Variants in FMN2 observed in about 807,000 individuals in gnomAD.
The protein encoded by FMN2 is formin 2, also known as formin-2.
A neutral mutation model predicts 142.3 loss-of-function variants in FMN2; 51 were observed. That is an observed-to-expected ratio of 0.36 (90% CI 0.29 to 0.45). FMN2 has a LOEUF of 0.45. Among genes scored for constraint, FMN2 ranks in the 20% least tolerant of loss-of-function variants. The probability of loss-of-function intolerance (pLI) is 1.00; values close to 1 mark genes in which losing one functional copy is unlikely to be tolerated. For synonymous variants in FMN2, 882 were observed against 869.8 expected (o/e 1.01, Z -0.25); for missense variants, 1,936 against 2,122.8 (o/e 0.91, Z 1.73).
chr1:240,311,096 C>T (rs545351626), intron 8 of FMN2, among the ~76,000 whole-genome samples: 1 of 152,140 alleles, frequency 6.6e-6, no homozygotes, highest in African/African-American at 2.4e-5. Context: ...GAAAAAAAAG[C>T]AGGTAAAGTA....
intron 8 of FMN2, among the ~76,000 whole-genome samples, chr1:240,296,333 A>C (rs1458800546): frequency 6.6e-6 from 1 of 151,452 alleles, no homozygotes; most frequent in African/African-American, 2.4e-5. Flanking sequence ...GACATTAAAT[A>C]ATATTGATTC....
Position 240,091,894 on chromosome 1 carries a change from C to A in FMN2, c.-216C>A, listed in dbSNP as rs907530200. 10 of 758,552 alleles carry A rather than the reference C, an allele frequency of 1.3e-5. No individual in the cohort carries two copies. The highest frequency in any genetic ancestry group is 1.9e-5 in the Non-Finnish European group (10 of 523,084). The allele number at this position is 758,552 out of a possible 1,614,324, so 47.0% of individuals were successfully genotyped here. A position where few individuals can be genotyped will look rare whatever the true frequency, so the allele number is the denominator to read the frequency against. ...GCCGGCCCCTAGCCGCAGCCGCAGC[C>A]GCAGCGACGGCAGCCACGGGAGCCG... On this transcript the variant is annotated 5_prime_UTR_variant, in exon 1 of 18. Transcript: ENST00000319653.
intron 6 of FMN2, among the ~76,000 whole-genome samples, chr1:240,243,990 G>A (rs552491963): frequency 1.7e-3 from 266 of 152,232 alleles, no homozygotes; most frequent in Middle Eastern, 0.01. Flanking sequence ...CATACCTCTG[G>A]ATATACCACC....
At chr1:240,269,953 T>C (rs1169074704) in intron 7 of FMN2, among the ~76,000 whole-genome samples, 1 of 152,064 alleles carries the variant, frequency 6.6e-6, no homozygotes, top group East Asian at 1.9e-4. Context: ...ATTTTCTATA[T>C]ACAAGATTAT....
chr1:240,367,078 A>G (rs980756558), intron 14 of FMN2, among the ~76,000 whole-genome samples: 1 of 152,188 alleles, frequency 6.6e-6, no homozygotes, highest in Non-Finnish European at 1.5e-5. Context: ...AATCCTTACC[A>G]GCACCGAGTT....
intron 2 of FMN2, among the ~76,000 whole-genome samples, chr1:240,165,631 A>AT (rs71170711): frequency 2.6e-3 from 367 of 139,856 alleles, no homozygotes; most frequent in South Asian, 0.015. Context: ...CCATTTTTCT[A>AT]TTTTTTTTTT....
chr1:240,326,039 A>C (rs1178079289), intron 8 of FMN2, among the ~76,000 whole-genome samples: 1 of 152,184 alleles, frequency 6.6e-6, no homozygotes, highest in Non-Finnish European at 1.5e-5. Flanking sequence ...TTTTTCTAGA[A>C]GTAATAGTTC....
intron 2 of FMN2, among the ~76,000 whole-genome samples, chr1:240,158,711 C>T (rs1425190493): frequency 2.6e-5 from 4 of 152,078 alleles, no homozygotes; most frequent in African/African-American, 9.7e-5. Context: ...CATTTTGTGT[C>T]GAACTGATTA....
chr1:240,367,511 T>C (rs111943286), intron 14 of FMN2, among the ~76,000 whole-genome samples: 1 of 152,216 alleles, frequency 6.6e-6, no homozygotes, highest in Non-Finnish European at 1.5e-5. Context: ...GGCTCACGCC[T>C]GTAATCCCAG....
At chr1:240,444,295 G>T (rs1675731721) in intron 16 of FMN2, among the ~76,000 whole-genome samples, 2 of 152,168 alleles carry the variant, frequency 1.3e-5, no homozygotes, top group Admixed American at 6.5e-5. Flanking sequence ...CAGGAGCAGG[G>T]ACTAAGGAAT....
chr1:240,405,741 T>TG (rs1401425956), intron 15 of FMN2, among the ~76,000 whole-genome samples: 1 of 152,168 alleles, frequency 6.6e-6, no homozygotes, highest in Non-Finnish European at 1.5e-5. Flanking sequence ...GTTAAATAAA[T>TG]TGAGTCTACA....
rs761935772 is a variant in FMN2 at position 240,092,255 on chromosome 1, G to T, written c.146G>T (p.Gly49Val). Residue 49 changes from glycine (G) to valine (V), a missense_variant, in exon 1 of 18, where the codon GGC (glycine) becomes GTC (valine). By Grantham distance (109) the Gly-to-Val change is moderately radical (BLOSUM62 -3). Coordinates refer to ENST00000319653, the MANE Select transcript of FMN2 (RefSeq NM_020066.5). ...GGCAAGAAGGCGCTAGGCAAGCACG[G>T]CAAGGGGGGAGGGGGCGGCGGCGGC... ...SGGKKALGKH[G>V]KGGGGGGGGG... 7.7e-6 allele frequency: 10 copies of T among 1,292,402 alleles called. No homozygotes were observed. Among genetic ancestry groups the T allele is most frequent in the Non-Finnish European group, 1.1e-5 (10 of 929,416 alleles). The allele number at this position is 1,292,402 out of a possible 1,614,324, so 80.1% of individuals were successfully genotyped here. A position where few individuals can be genotyped will look rare whatever the true frequency, so the allele number is the denominator to read the frequency against.
chr1:240,141,979 A>G (rs1336975246), intron 2 of FMN2, among the ~76,000 whole-genome samples: 2 of 152,196 alleles, frequency 1.3e-5, no homozygotes, highest in African/African-American at 4.8e-5. Flanking sequence ...CTTAGTTCCC[A>G]TGATGCTATG....
chr1:240,224,476 G>A lies in FMN2; in HGVS notation c.4065+13241G>A, dbSNP rs534920436. On this transcript the variant is annotated intron_variant, in intron 6 of 17. Transcript: ENST00000319653. ...GTATATTCTGTTGATTTGGGGTGGA[G>A]AGTTCTGTAGATGTCTATTAGGTCC... Among the ~76,000 whole-genome samples the A allele has an allele frequency of 2.0e-5, 3 of 152,182 alleles. No homozygotes were observed. In the South Asian group the frequency reaches 6.2e-4, roughly 32 times the overall value.
At chr1:240,189,676 C>G (rs1406718261) in intron 4 of FMN2, among the ~76,000 whole-genome samples, 1 of 152,170 alleles carries the variant, frequency 6.6e-6, no homozygotes, top group Non-Finnish European at 1.5e-5. Flanking sequence ...GTTTTTCCAG[C>G]TTATTGTTAT....
chr1:240,276,603 A>G (rs1196511623), intron 7 of FMN2, among the ~76,000 whole-genome samples: 4 of 152,162 alleles, frequency 2.6e-5, no homozygotes, highest in Non-Finnish European at 4.4e-5. Flanking sequence ...TTAGTGGAAG[A>G]TGCAGTTATC....
intron 8 of FMN2, among the ~76,000 whole-genome samples, chr1:240,323,032 T>C (rs1465801405): frequency 6.6e-6 from 1 of 152,148 alleles, no homozygotes; most frequent in African/African-American, 2.4e-5. Flanking sequence ...TGGTTCATCA[T>C]TGTTGAATTT....
At chr1:240,371,474 C>G (rs978820865) in intron 14 of FMN2, among the ~76,000 whole-genome samples, 2 of 152,064 alleles carry the variant, frequency 1.3e-5, no homozygotes, top group Non-Finnish European at 2.9e-5. Flanking sequence ...GTGAATCTTC[C>G]AGTTTTTTTT....
intron 16 of FMN2, among the ~76,000 whole-genome samples, chr1:240,470,327 T>C (rs759461060): frequency 6.6e-6 from 1 of 151,938 alleles, no homozygotes; most frequent in Non-Finnish European, 1.5e-5. Context: ...ATAAAGAAAA[T>C]GTTTTTATCT....
Sources: allele counts gnomAD v4.1 joint callset (sites outside exome capture counted in the v4.1 genomes callset), GRCh38; gene constraint gnomAD v4.1.1; transcripts MANE v1.5; gene names NCBI Gene and HGNC (gene_info 2026-07-23, HGNC 2026-07-21).